MAML2: variants seen among roughly 807,000 people sequenced by gnomAD.
MAML2 encodes mastermind like transcriptional coactivator 2.
Under a neutral mutation model 96.1 loss-of-function variants are expected in MAML2, and 22 were observed. That is an observed-to-expected ratio of 0.23 (90% confidence interval 0.16 to 0.33). The LOEUF is 0.33. Ranked by LOEUF, MAML2 falls within the 10% of genes least tolerant of loss-of-function variation. The pLI is 1.00. For missense variants in MAML2, 1,367 were observed against 1,392.4 expected (o/e 0.98, Z 0.29); for synonymous variants, 561 against 521.3 (o/e 1.08, Z -1.04).
chr11:96,027,922 G>A (rs2135743055), intron 2 of MAML2, among the ~76,000 whole-genome samples: 1 of 152,060 alleles, frequency 6.6e-6, no homozygotes, highest in East Asian at 1.9e-4. Context: ...TGTAGAGATG[G>A]GGTTTTGCCA....
At chr11:96,141,475 C>G (rs772359301) in intron 1 of MAML2, among the ~76,000 whole-genome samples, 2 of 152,082 alleles carry the variant, frequency 1.3e-5, no homozygotes, top group Non-Finnish European at 2.9e-5. Context: ...ACCCTGAGAA[C>G]AGGGCATATT....
intron 1 of MAML2, among the ~76,000 whole-genome samples, chr11:96,279,159 A>C (rs1473104170): frequency 6.6e-6 from 1 of 152,224 alleles, no homozygotes; most frequent in African/African-American, 2.4e-5. Context: ...GGACACTGAA[A>C]CTGAATGATG....
At chr11:96,279,928 A>G (rs1483914592) in intron 1 of MAML2, among the ~76,000 whole-genome samples, 3 of 152,216 alleles carry the variant, frequency 2.0e-5, no homozygotes, top group African/African-American at 7.2e-5. Flanking sequence ...TAACTGCAAG[A>G]GCTCATTTCT....
chr11:96,212,229 C>A (rs535694219), intron 1 of MAML2, among the ~76,000 whole-genome samples: 3 of 150,228 alleles, frequency 2.0e-5, no homozygotes, highest in African/African-American at 7.4e-5. Flanking sequence ...ATTCAAGAGG[C>A]AATGAGATCT....
intron 1 of MAML2, among the ~76,000 whole-genome samples, chr11:96,306,960 A>C (rs991852816): frequency 2.0e-5 from 3 of 152,236 alleles, no homozygotes; most frequent in Admixed American, 2.0e-4. Context: ...GTTGAAATAA[A>C]GCGTAATGTG....
chr11:96,191,044 A>G (rs182620256), intron 1 of MAML2, among the ~76,000 whole-genome samples: 177 of 152,326 alleles, frequency 1.2e-3, no homozygotes, highest in African/African-American at 4.0e-3. Context: ...AGGATTGCCA[A>G]ACTGATACCT....
At chr11:96,005,466 A>T (rs1438682091) in intron 2 of MAML2, among the ~76,000 whole-genome samples, 1 of 152,236 alleles carries the variant, frequency 6.6e-6, no homozygotes, top group Non-Finnish European at 1.5e-5. Context: ...TAATCAAAGG[A>T]ACAATAAATA....
At chr11:96,300,007 G>C (rs941377747) in intron 1 of MAML2, among the ~76,000 whole-genome samples, 1 of 152,160 alleles carries the variant, frequency 6.6e-6, no homozygotes, top group Non-Finnish European at 1.5e-5. Context: ...AGAGGAGGTA[G>C]GGAGAATAAC....
intron 1 of MAML2, among the ~76,000 whole-genome samples, chr11:96,338,720 G>A (rs1374656513): frequency 6.6e-6 from 1 of 152,066 alleles, no homozygotes; most frequent in Non-Finnish European, 1.5e-5. Flanking sequence ...GCCACTTATG[G>A]CATACGAATT....
At chr11:96,012,281 T>C (rs1002715644) in intron 2 of MAML2, among the ~76,000 whole-genome samples, 9 of 152,208 alleles carry the variant, frequency 5.9e-5, no homozygotes, top group Non-Finnish European at 1.2e-4. Context: ...CACAATCTCA[T>C]AGCAACAGAC....
intron 4 of MAML2, among the ~76,000 whole-genome samples, chr11:95,980,687 G>A (rs1197109103): frequency 1.3e-5 from 2 of 152,178 alleles, no homozygotes; most frequent in African/African-American, 2.4e-5. Flanking sequence ...GGCTAAGGCC[G>A]AAGCTCCTCC....
At chr11:96,094,150 A>G (rs1859786371) in intron 1 of MAML2, among the ~76,000 whole-genome samples, 1 of 152,322 alleles carries the variant, frequency 6.6e-6, no homozygotes, top group African/African-American at 2.4e-5. Flanking sequence ...CCTTATGTGG[A>G]CACACAAAAG....
intron 2 of MAML2, among the ~76,000 whole-genome samples, chr11:96,066,319 G>T (rs1048645658): frequency 6.6e-6 from 1 of 152,208 alleles, no homozygotes; most frequent in African/African-American, 2.4e-5. Flanking sequence ...CATTCTGAGG[G>T]CACAAGGCAG....
chr11:95,985,704 ATGTAAAATTT>A (rs747430302), intron 3 of MAML2, 62 bp from the exon 4 acceptor site: 3 of 1,152,970 alleles, frequency 2.6e-6, no homozygotes, highest in Non-Finnish European at 3.7e-6. Context: ...GTGAAAATAC[ATGTAAAATTT>A]TGTAAAATTT....
chr11:96,080,712 A>C (rs1294173215), intron 2 of MAML2, among the ~76,000 whole-genome samples: 1 of 152,214 alleles, frequency 6.6e-6, no homozygotes, highest in Non-Finnish European at 1.5e-5. Context: ...CCGAATGATA[A>C]ATAACTACAC....
intron 1 of MAML2, among the ~76,000 whole-genome samples, chr11:96,126,911 G>A (rs35042198): frequency 6.0e-5 from 9 of 149,274 alleles, no homozygotes; most frequent in African/African-American, 2.3e-4. Context: ...GACATGGGGG[G>A]GGTCAAATGG....
chr11:96,033,417 C>T (rs945122287), intron 2 of MAML2, among the ~76,000 whole-genome samples: 3 of 152,192 alleles, frequency 2.0e-5, no homozygotes, highest in Admixed American at 6.5e-5. Flanking sequence ...TGTTAAAATG[C>T]CTGGCAGGAA....
chr11:96,251,979 G>A (rs962888853), intron 1 of MAML2, among the ~76,000 whole-genome samples: 35 of 151,848 alleles, frequency 2.3e-4, no homozygotes, highest in Non-Finnish European at 3.8e-4. Flanking sequence ...TGATCTGCCC[G>A]CCTCAGCCTC....
intron 1 of MAML2, among the ~76,000 whole-genome samples, chr11:96,175,038 C>T (rs1380039488): frequency 2.6e-5 from 4 of 152,292 alleles, no homozygotes; most frequent in South Asian, 4.1e-4. Context: ...ACACAAGCAA[C>T]GTTAAGCAAA....
Sources: allele counts gnomAD v4.1 joint callset (sites outside exome capture counted in the v4.1 genomes callset), GRCh38; gene constraint gnomAD v4.1.1; transcripts MANE v1.5; gene names NCBI Gene and HGNC (gene_info 2026-07-23, HGNC 2026-07-21).